RP1L1: variants seen among roughly 807,000 people sequenced by gnomAD.
RP1L1 encodes retinitis pigmentosa 1-like 1 protein.
A neutral mutation model predicts 15.7 loss-of-function variants in RP1L1; 27 were observed. The ratio of observed to expected loss-of-function variants is 1.72; its 90% CI spans 1.27 to 2.38. The LOEUF is 2.38. RP1L1 is among the 30% of genes most tolerant of loss of function. The probability of loss-of-function intolerance (pLI) is 0.00; values close to 1 mark genes in which losing one functional copy is unlikely to be tolerated. For synonymous variants in RP1L1, 1,813 were observed against 1,276.7 expected (o/e 1.42, Z -8.96); for missense variants, 4,798 against 3,075.9 (o/e 1.56, Z -13.24).
In RP1L1 at chr8:10,609,930, G is replaced by C; in HGVS notation, c.4168C>G (p.Leu1390Val). The C allele has an allele frequency of 6.3e-7, 1 of 1,590,850 alleles. No individual in the cohort carries two copies. Among genetic ancestry groups the C allele is most frequent in the Non-Finnish European group, 8.6e-7 (1 of 1,164,042 alleles). ...GPEGGLQGEA[L>V]EEGLKEEGLP... The stretch of plus-strand genomic sequence containing the variant: ...CCTTCCTCTTTGAGACCCTCTTCAA[G>C]AGCCTCTCCTTGCAGTCCTCCTTCT... The change falls in exon 4 of 4, where the codon CTT becomes GTT. Residue 1390 changes from leucine to valine, a missense_variant. Transcript: ENST00000382483.
Position 10,610,968 on chromosome 8 carries a change from G to C in RP1L1, c.3130C>G (p.Gln1044Glu). ...TGPQSGEGVP[Q>E]GAAPEGVSEA... The stretch of plus-strand genomic sequence containing the variant: ...GAAACTCCCTCTGGAGCTGCCCCTT[G>C]GGGGACACCCTCTCCTGATTGGGGA... The change falls in exon 4 of 4, where the codon CAA becomes GAA. Residue 1044 changes from glutamine to glutamate, a missense_variant. Transcript: ENST00000382483. 1 of 1,612,256 alleles carries C rather than the reference G, an allele frequency of 6.2e-7. No homozygotes were observed. Among genetic ancestry groups the C allele is most frequent in the Non-Finnish European group, 8.5e-7 (1 of 1,179,806 alleles).
intron 1 of RP1L1, among the ~76,000 whole-genome samples, chr8:10,649,090 G>C (rs1198703073): frequency 6.6e-6 from 1 of 152,210 alleles, no homozygotes; most frequent in Non-Finnish European, 1.5e-5. Context: ...AGCCTTGTAG[G>C]GGTTTTCCCT....
intron 1 of RP1L1, among the ~76,000 whole-genome samples, chr8:10,647,010 G>T (rs1289137077): frequency 1.3e-5 from 2 of 152,214 alleles, no homozygotes; most frequent in African/African-American, 4.8e-5. Context: ...GCAAGGCAGT[G>T]CCTGACCAGC....
intron 2 of RP1L1, among the ~76,000 whole-genome samples, chr8:10,619,924 G>A (rs1251368345): frequency 6.9e-6 from 1 of 144,706 alleles, no homozygotes; most frequent in Non-Finnish European, 1.5e-5. Flanking sequence ...TCATGCCACT[G>A]CGCTCCACCA....
rs140811567 is a variant in RP1L1, at chr8:10,614,063, G to C, written c.752-717C>G. Reference sequence around the variant, plus strand: ...AGTTGCTAGCACATAGTAGGCTCTCGAGAGATGGCAGACTTGGCAGGCAGA... The same window carrying C: ...AGTTGCTAGCACATAGTAGGCTCTCCAGAGATGGCAGACTTGGCAGGCAGA... On this transcript the variant is annotated intron_variant, in intron 3 of 3. Coordinates refer to ENST00000382483, the MANE Select transcript of RP1L1 (RefSeq NM_178857.6). Among the ~76,000 whole-genome samples the C allele has an allele frequency of 4.6e-5, 7 of 152,318 alleles. No homozygotes were observed. In the East Asian group the frequency reaches 7.7e-4, roughly 17 times the overall value.
chr8:10,618,739 A>G (rs1281086876), intron 2 of RP1L1, among the ~76,000 whole-genome samples: 2 of 152,130 alleles, frequency 1.3e-5, no homozygotes, highest in Non-Finnish European at 2.9e-5. Context: ...AATATCAGCT[A>G]CCTTGTGAGT....
intron 1 of RP1L1, among the ~76,000 whole-genome samples, chr8:10,649,849 T>G (rs979433477): frequency 6.6e-6 from 1 of 152,172 alleles, no homozygotes; most frequent in African/African-American, 2.4e-5. Flanking sequence ...TGGAAAGAGA[T>G]AGTGGATGCG....
intron 2 of RP1L1, among the ~76,000 whole-genome samples, chr8:10,619,465 T>G (rs994326323): frequency 1.3e-5 from 2 of 152,110 alleles, no homozygotes; most frequent in African/African-American, 4.8e-5. Context: ...GCACAGTCAT[T>G]CCAGAGGCAA....
At chr8:10,654,392 C>G (rs1798607979) in intron 1 of RP1L1, among the ~76,000 whole-genome samples, 1 of 152,086 alleles carries the variant, frequency 6.6e-6, no homozygotes, top group Admixed American at 6.5e-5. Context: ...TTACCACTCT[C>G]TCTATTTGCC....
chr8:10,613,798 GAAAA>G, intron 3 of RP1L1, among the ~76,000 whole-genome samples: 1 of 145,704 alleles, frequency 6.9e-6, no homozygotes, highest in East Asian at 2.0e-4. Context: ...AAAAAGAAAA[GAAAA>G]AAAAAAGCAT....
Position 10,611,431 on chromosome 8 carries a change from C to T in RP1L1, c.2667G>A (p.Gln889=). The T allele has an allele frequency of 1.3e-6, 2 of 1,578,506 alleles. No individual in the cohort carries two copies. Among genetic ancestry groups the T allele is most frequent in the Non-Finnish European group, 1.7e-6 (2 of 1,164,502 alleles). ...STARGPGGSP[Q]EGTRQPGPTP... ...TGGGGCCTGGCTGGCGTGTCCCCTC[C>T]TGCGGGCTCCCACCTGGCCCCCGGG... Residue 889 remains glutamine (Q), a synonymous_variant, in exon 4 of 4, where the codon CAG becomes CAA. Transcript: ENST00000382483.
rs1176067479 is a variant in RP1L1 at position 10,622,914 on chromosome 8, C to T, written c.288G>A (p.Leu96=). The T allele has an allele frequency of 6.2e-7, 1 of 1,613,954 alleles. No homozygotes were observed. The highest frequency in any genetic ancestry group is 2.2e-5 in the East Asian group (1 of 44,874). The change falls in exon 2 of 4, where the codon CTG becomes CTA. Residue 96 remains leucine, a synonymous_variant. Coordinates refer to ENST00000382483, the MANE Select transcript of RP1L1 (RefSeq NM_178857.6). ...GLHSLSALEQ[L]EDGGCYLCSD... The stretch of plus-strand genomic sequence containing the variant: ...AGCAGAGGTAGCAGCCTCCATCTTC[C>T]AGCTGCTCCAGGGCGCTGAGGCTAT...
At chr8:10,621,873 C>T (rs1798065419) in intron 2 of RP1L1, 4 of 431,696 alleles carry the variant, frequency 9.3e-6, no homozygotes, top group Admixed American at 4.9e-5. Flanking sequence ...GGAGCCATTC[C>T]TGCAGACCCA....
Position 10,611,217 on chromosome 8 carries a change from G to C in RP1L1, c.2881C>G (p.Leu961Val). The C allele has an allele frequency of 6.2e-7, 1 of 1,612,974 alleles. No individual in the cohort carries two copies. Among genetic ancestry groups the C allele is most frequent in the Non-Finnish European group, 8.5e-7 (1 of 1,180,030 alleles). ...ATGGGCTCTTCTGGAATGTTGTCCA[G>C]CCATTCGCGGACCACAGCCTCTGGA... is the stretch of plus-strand genomic sequence containing the variant. Reference protein sequence around the residue: ...SSPEAVVREWLDNIPEEPILM... With the variant: ...SSPEAVVREWVDNIPEEPILM... Residue 961 changes from leucine to valine, a missense_variant, in exon 4 of 4, where the codon CTG becomes GTG. Physicochemically the swap from Leu to Val is conservative, Grantham distance 32. Transcript: ENST00000382483.
chr8:10,610,539 G>C lies in RP1L1; in HGVS notation c.3559C>G (p.His1187Asp), dbSNP rs1329614481. ...WSQALPDLGSHAMTENFTPTS... is the reference protein window; with the variant it reads ...WSQALPDLGSDAMTENFTPTS... ...GGCGTGAAGTTCTCCGTCATGGCAT[G>C]GGACCCAAGGTCTGGCAGAGCCTGG... Residue 1187 changes from histidine (H) to aspartate (D), a missense_variant, in exon 4 of 4, where the codon CAT (histidine) becomes GAT (aspartate). By Grantham distance (81) the His-to-Asp change is moderately conservative. Transcript: ENST00000382483. The C allele has an allele frequency of 6.2e-7, 1 of 1,613,632 alleles. No individual in the cohort carries two copies. Among genetic ancestry groups the C allele is most frequent in the Non-Finnish European group, 8.5e-7 (1 of 1,180,034 alleles).
At chr8:10,644,488 T>C (rs1352283361) in intron 1 of RP1L1, among the ~76,000 whole-genome samples, 1 of 152,222 alleles carries the variant, frequency 6.6e-6, no homozygotes, top group East Asian at 1.9e-4. Context: ...AGCCCTTAGC[T>C]GTGCAGAGAA....
rs778031029 is a variant in RP1L1, at chr8:10,608,901, C to T, written c.5197G>A (p.Gly1733Arg). 8 of 1,613,928 alleles carry T rather than the reference C, an allele frequency of 5.0e-6. No homozygotes were observed. In the Admixed American group the frequency reaches 1.3e-4, roughly 27 times the overall value. The change falls in exon 4 of 4, where the codon GGG (glycine) becomes AGG (arginine). Residue 1733 changes from glycine (G) to arginine (R), a missense_variant. Physicochemically the swap from Gly to Arg is moderately radical, Grantham distance 125. Coordinates refer to ENST00000382483, the MANE Select transcript of RP1L1 (RefSeq NM_178857.6). ...VQGAEGGLGP[G>R]LSQGPGVDEG... ...TCCACTCCAGGCCCCTGGCTCAGCC[C>T]CGGCCCCAGCCCTCCCTCAGCTCCC...
In RP1L1 at chr8:10,609,567, C is replaced by T. The variant is rs549077847; in HGVS notation, c.4531G>A (p.Ala1511Thr). 6.9e-6 allele frequency: 11 copies of T among 1,603,484 alleles called. No individual in the cohort carries two copies. The highest frequency in any genetic ancestry group is 9.3e-6 in the Non-Finnish European group (11 of 1,177,224). The change falls in exon 4 of 4, where the codon GCT (alanine) becomes ACT (threonine). Residue 1511 changes from alanine to threonine, a missense_variant. Physicochemically the swap from Ala to Thr is moderately conservative, Grantham distance 58. Transcript: ENST00000382483. ...ACCCAGATGGGGTCGCAGTCCAGAG[C>T]CGCGCTGCAGGCCACCGAAGAGCTC... ...ERSSSVACSA[A>T]LDCDPIWVSV...
rs368591131 is a variant in RP1L1 at position 10,613,285 on chromosome 8, C to A, written c.813G>T (p.Thr271=). The change falls in exon 4 of 4, where the codon ACG becomes ACT. Residue 271 remains threonine, a synonymous_variant. Coordinates refer to ENST00000382483, the MANE Select transcript of RP1L1 (RefSeq NM_178857.6). ...GACCAGGCCTTTCTGGCAGCCGTGG[C>A]GTGCTGCCTGGCGGAGACCGCGAAT... The part of the protein sequence containing the change: ...VIHSRSPPGS[T]PRLPERPGPS... 9.3e-6 allele frequency: 15 copies of A among 1,606,574 alleles called. No individual in the cohort carries two copies. The highest frequency in any genetic ancestry group is 4.5e-5 in the East Asian group (2 of 44,894).
Sources: gnomAD v4.1 joint callset for allele counts (sites outside exome capture counted in the v4.1 genomes callset) on GRCh38, gnomAD v4.1.1 for gene constraint, MANE v1.5 for transcripts, NCBI Gene and HGNC (gene_info 2026-07-23, HGNC 2026-07-21) for gene names.